Variants in KNDC1 observed in about 807,000 individuals in gnomAD.
KNDC1 encodes the protein kinase non-catalytic C-lobe domain containing 1.
A neutral mutation model predicts 172.8 loss-of-function variants in KNDC1; 106 were observed. The ratio of observed to expected loss-of-function variants is 0.61; its 90% CI spans 0.52 to 0.72. The LOEUF is 0.72. KNDC1 is among the 30% of genes least tolerant of loss of function. KNDC1 has a pLI of 0.00. For synonymous variants in KNDC1, 1,083 were observed against 1,062.2 expected, an observed-to-expected ratio of 1.02 and a Z score of -0.38; for missense variants, 2,325 against 2,394.5, an observed-to-expected ratio of 0.97 and a Z score of 0.61.
chr10:133,203,399 G>C (rs1854435474), intron 17 of KNDC1, among the ~76,000 whole-genome samples: 1 of 152,264 alleles, frequency 6.6e-6, no homozygotes, highest in African/African-American at 2.4e-5. Context: ...TTCTCTTGGA[G>C]GAGCTACTGT....
In KNDC1 at chr10:133,224,612, C is replaced by T. The variant is rs753673418; in HGVS notation, c.5019-47C>T. 2.3e-5 allele frequency: 33 copies of T among 1,445,334 alleles called. No individual in the cohort carries two copies. Among genetic ancestry groups the T allele is most frequent in the African/African-American group, 2.8e-5 (2 of 70,962 alleles). The allele number at this position is 1,445,334 out of a possible 1,614,324, so 89.5% of individuals were successfully genotyped here. Reference sequence around the variant, plus strand: ...GGGGACTCCCTCCCCACGGAAGCCGCGCCCCTGCCCTGTGCAAACTAACGT... The same window carrying T: ...GGGGACTCCCTCCCCACGGAAGCCGTGCCCCTGCCCTGTGCAAACTAACGT... On this transcript the variant is annotated intron_variant, in intron 29 of 29. Coordinates refer to ENST00000304613, the MANE Select transcript of KNDC1 (RefSeq NM_152643.8). The surrounding 1 kb of genome is among the most constrained non-coding windows in gnomAD (Gnocchi z 5.4).
At position 133,209,934 on chromosome 10, in the gene KNDC1, T is replaced by G. The variant is rs1845322076; in HGVS notation, c.3795-677T>G. 6.6e-6 allele frequency among the ~76,000 whole-genome samples: 1 copy of G among 152,036 alleles called. No individual in the cohort carries two copies. The highest frequency in any genetic ancestry group is 2.1e-4 in the South Asian group (1 of 4,822). On this transcript the variant is annotated intron_variant, in intron 20 of 29. Coordinates refer to ENST00000304613, the MANE Select transcript of KNDC1 (RefSeq NM_152643.8). The surrounding 1 kb of genome is among the most constrained non-coding windows in gnomAD (Gnocchi z 4.9). Reference sequence around the variant, plus strand: ...TGCAGGCGGGGCCCTGGTCAGTGTCTCCTGAGGGTGGCGCGGTTTCACCCA... The same window carrying G: ...TGCAGGCGGGGCCCTGGTCAGTGTCGCCTGAGGGTGGCGCGGTTTCACCCA...
At chr10:133,179,969 G>C (rs1184573345) in intron 3 of KNDC1, among the ~76,000 whole-genome samples, 1 of 152,208 alleles carries the variant, frequency 6.6e-6, no homozygotes, top group Non-Finnish European at 1.5e-5. Flanking sequence ...TTGGAGAGTG[G>C]GCCCCACCCT....
chr10:133,188,498 A>G (rs1389412661), intron 6 of KNDC1, 41 bp from the exon 7 acceptor site: 8 of 1,352,230 alleles, frequency 5.9e-6, no homozygotes, highest in Non-Finnish European at 8.2e-6. Flanking sequence ...GGGCCCTGGC[A>G]AGGGGTGTCC....
chr10:133,165,486 C>T lies in KNDC1; in HGVS notation c.103-1895C>T, dbSNP rs559675895. 5.3e-5 allele frequency among the ~76,000 whole-genome samples: 8 copies of T among 152,314 alleles called. No homozygotes were observed. The East Asian group carries it at 5.8e-4, about 11-fold the overall frequency. On this transcript the variant is annotated intron_variant, in intron 1 of 29. Transcript: ENST00000304613. ...GGCACCCCAGGGCCCCGCAGGGGGACGGGGACCGGCTGAGACGCGCCTCAT... is the reference window on the plus strand; with the variant it reads ...GGCACCCCAGGGCCCCGCAGGGGGATGGGGACCGGCTGAGACGCGCCTCAT...
chr10:133,174,142 CAGA>C (rs1853456844), intron 3 of KNDC1: 1 of 152,424 alleles, frequency 6.6e-6, no homozygotes, highest in East Asian at 1.9e-4. Context: ...ACACAAGTGA[CAGA>C]CTTGATGTGA....
chr10:133,188,121 G>A (rs542960034), intron 6 of KNDC1, among the ~76,000 whole-genome samples: 83 of 152,272 alleles, frequency 5.5e-4, no homozygotes, highest in Non-Finnish European at 1.5e-4. Flanking sequence ...CTGCCCCTGC[G>A]TCCGTCCGTG....
chr10:133,213,986 A>T lies in KNDC1; in HGVS notation c.4541A>T (p.Glu1514Val), dbSNP rs1651862155. 2 of 1,614,012 alleles carry T rather than the reference A, an allele frequency of 1.2e-6. No individual in the cohort carries two copies. Among genetic ancestry groups the T allele is most frequent in the African/African-American group, 1.3e-5 (1 of 74,920 alleles). The change falls in exon 26 of 30, where the codon GAG becomes GTG. Residue 1514 changes from glutamate (E) to valine (V), a missense_variant. Physicochemically the swap from Glu to Val is moderately radical, Grantham distance 121. Transcript: ENST00000304613. Reference protein sequence around the residue: ...STAIPKASSSESLSAKTCSLF... With the variant: ...STAIPKASSSVSLSAKTCSLF... The stretch of plus-strand genomic sequence containing the variant: ...TTCTCTTCCAGAGCCAGCTCTTCTG[A>T]GTCTCTTTCGGCCAAAACCTGCAGC...
intron 1 of KNDC1, among the ~76,000 whole-genome samples, chr10:133,160,903 C>G (rs933447160): frequency 1.3e-5 from 2 of 151,994 alleles, no homozygotes; most frequent in African/African-American, 2.4e-5. Context: ...AGGAGGCCAG[C>G]GGGGTGCAGA....
chr10:133,207,096 G>A (rs899823149), intron 19 of KNDC1, 41 bp from the exon 20 acceptor site: 15 of 1,551,464 alleles, frequency 9.7e-6, no homozygotes, highest in South Asian at 4.6e-5. Flanking sequence ...GCCCTGGGGC[G>A]AGGGGCAGAG....
rs1181115412 is a variant in KNDC1 at position 133,199,467 on chromosome 10, T to C, written c.2768T>C (p.Ile923Thr). ...CGTTTTGCAAAACCAGGGGAGTACA[T>C]CTTCGCCTTGAAAGATCTCACCTTT... ...GLEALIMGEY[I>T]FALKDLTFAT... The change falls in exon 15 of 30, where the codon ATC (isoleucine) becomes ACC (threonine). Residue 923 changes from isoleucine to threonine, a missense_variant. Transcript: ENST00000304613. 3 of 1,613,650 alleles carry C rather than the reference T, an allele frequency of 1.9e-6. No homozygotes were observed. The South Asian group carries it at 3.3e-5, about 18-fold the overall frequency.
chr10:133,212,281 CCACA>C (rs575649097), intron 23 of KNDC1, among the ~76,000 whole-genome samples: 88 of 151,960 alleles, frequency 5.8e-4, no homozygotes, highest in Admixed American at 1.0e-3. Flanking sequence ...GCACACGCAT[CCACA>C]CACACACGCA....
intron 5 of KNDC1, 80 bp downstream of exon 5, chr10:133,184,069 AAC>A (rs767594715): frequency 2.2e-5 from 17 of 785,300 alleles, no homozygotes; most frequent in Non-Finnish European, 2.9e-5. Flanking sequence ...ACATGCTGCA[AAC>A]ACACCCATGC....
chr10:133,183,206 G>T, intron 3 of KNDC1, 138 bp from the exon 4 acceptor site: 2 of 1,089,906 alleles, frequency 1.8e-6, no homozygotes, highest in Non-Finnish European at 2.5e-6. Flanking sequence ...TGTGGGCAGC[G>T]TGGGCACGGG....
At chr10:133,212,450 C>T (rs955334259) in intron 23 of KNDC1, among the ~76,000 whole-genome samples, 1 of 152,236 alleles carries the variant, frequency 6.6e-6, no homozygotes, top group Non-Finnish European at 1.5e-5. Flanking sequence ...GAGACTAAGG[C>T]AGAAGCCAGT....
Position 133,207,163 on chromosome 10 carries a change from G to A in KNDC1, c.3606G>A (p.Leu1202=). Residue 1202 remains leucine (L), a synonymous_variant, in exon 20 of 30, where the codon CTG becomes CTA. Transcript: ENST00000304613. ...TCATGTACGCGGAACGCTGGGGCCT[G>A]GAGCCCTGCACCCTCCCAGTGATCG... ...LQVMYAERWG[L]EPCTLPVIVN... The A allele has an allele frequency of 1.2e-6, 2 of 1,602,840 alleles. No homozygotes were observed. Among genetic ancestry groups the A allele is most frequent in the Non-Finnish European group, 8.5e-7 (1 of 1,175,928 alleles).
chr10:133,214,171 A>T (rs754944056), intron 26 of KNDC1, 49 bp downstream of exon 26: 1 of 1,601,082 alleles, frequency 6.2e-7, no homozygotes, highest in Non-Finnish European at 8.5e-7. Context: ...GGGCCCACCT[A>T]CGCGGGGGTG....
At chr10:133,214,376 T>A (rs540549507) in intron 26 of KNDC1, among the ~76,000 whole-genome samples, 2 of 152,082 alleles carry the variant, frequency 1.3e-5, no homozygotes, top group African/African-American at 4.8e-5. Flanking sequence ...CACATCCACA[T>A]CCACGGCCAC....
rs946508167 is a variant in KNDC1, at chr10:133,199,361, C to A, written c.2758+95C>A. 91 of 1,565,024 alleles carry A rather than the reference C, an allele frequency of 5.8e-5. 2 individuals carry two copies. In the South Asian group the frequency reaches 1.1e-3, roughly 18 times the overall value. Reference sequence around the variant, plus strand: ...GCCCCACGCCCTTCCCCCAGCCCCCCAGCCGAGATCAGCCTTGTCCGTTTC... The same window carrying A: ...GCCCCACGCCCTTCCCCCAGCCCCCAAGCCGAGATCAGCCTTGTCCGTTTC... On this transcript the variant is annotated intron_variant, in intron 14 of 29. Coordinates refer to ENST00000304613, the MANE Select transcript of KNDC1 (RefSeq NM_152643.8).
Sources: allele counts gnomAD v4.1 joint callset (sites outside exome capture counted in the v4.1 genomes callset), GRCh38; gene constraint gnomAD v4.1.1; non-coding constraint Gnocchi (gnomAD v3.1); transcripts MANE v1.5; gene names NCBI Gene and HGNC (gene_info 2026-07-23, HGNC 2026-07-21).